SYNJ2: variants seen among roughly 807,000 people sequenced by gnomAD.
SYNJ2 encodes polyphosphatidylinositol phosphatase SYNJ2.
A neutral mutation model predicts 141.3 loss-of-function variants in SYNJ2; 116 were observed. The ratio of observed to expected loss-of-function variants is 0.82; its 90% confidence interval spans 0.71 to 0.96. The LOEUF (loss-of-function observed/expected upper bound fraction) is 0.96. Among genes scored for constraint, SYNJ2 ranks in the 40% least tolerant of loss-of-function variants. The pLI is 0.00. For missense variants in SYNJ2, 1,873 were observed against 1,934.8 expected (o/e 0.97, Z 0.60); for synonymous variants, 745 against 777.7 (o/e 0.96, Z 0.70).
intron 1 of SYNJ2, among the ~76,000 whole-genome samples, chr6:157,986,732 TTTAA>T (rs1777219805): frequency 6.6e-6 from 1 of 152,242 alleles, no homozygotes; most frequent in Admixed American, 6.5e-5. Context: ...GCTTTTAGCC[TTTAA>T]TTGTGAAAAC....
At chr6:158,091,835 A>AG (rs1783476382) in intron 25 of SYNJ2, among the ~76,000 whole-genome samples, 1 of 152,110 alleles carries the variant, frequency 6.6e-6, no homozygotes, top group African/African-American at 2.4e-5. Flanking sequence ...TGTGAAAGAA[A>AG]GAAAAAAAGG....
intron 1 of SYNJ2, among the ~76,000 whole-genome samples, chr6:158,015,852 A>G (rs991628110): frequency 6.6e-6 from 1 of 152,330 alleles, no homozygotes; most frequent in Non-Finnish European, 1.5e-5. Flanking sequence ...TTTTTATAAC[A>G]GCTTTATTGA....
At chr6:158,024,965 C>T (rs74511933) in intron 2 of SYNJ2, among the ~76,000 whole-genome samples, 9,124 of 152,240 alleles carry the variant, frequency 0.06, 387 homozygotes, top group Non-Finnish European at 0.09. Context: ...TTTCAACTAC[C>T]GATGAAAACC....
At chr6:158,061,908 C>A in intron 7 of SYNJ2, 84 bp from the exon 8 acceptor site, 1 of 1,410,690 alleles carries the variant, frequency 7.1e-7, no homozygotes, top group Non-Finnish European at 9.7e-7. Flanking sequence ...TGGTTAGCCG[C>A]ACGGGTCAAG....
rs1164883598 is a variant in SYNJ2 at position 158,084,813 on chromosome 6, AAAC to A, written c.3208+651_3208+653del. 6.6e-6 allele frequency among the ~76,000 whole-genome samples: 1 copy of A among 151,988 alleles called. No homozygotes were observed. The highest frequency in any genetic ancestry group is 1.5e-5 in the Non-Finnish European group (1 of 68,002). On this transcript the variant is annotated intron_variant, in intron 22 of 26. Coordinates refer to ENST00000355585, the MANE Select transcript of SYNJ2 (RefSeq NM_003898.4). The surrounding 1 kb of genome is among the most constrained non-coding windows in gnomAD (Gnocchi z 5.0). The stretch of plus-strand genomic sequence containing the variant: ...GGTGACAAAGTGAGATTCCGTCTCA[AAAC>A]AACAACAACAAAAAAACTTCTGATT...
chr6:158,055,383 AT>A (rs1315677935), intron 6 of SYNJ2, among the ~76,000 whole-genome samples: 3 of 152,204 alleles, frequency 2.0e-5, no homozygotes, highest in Non-Finnish European at 4.4e-5. Flanking sequence ...TATAGAATAA[AT>A]AAGTATAGAA....
At chr6:158,025,119 G>A (rs1372294137) in intron 2 of SYNJ2, among the ~76,000 whole-genome samples, 5 of 152,264 alleles carry the variant, frequency 3.3e-5, no homozygotes, top group African/African-American at 7.2e-5. Context: ...CGAGACCAGC[G>A]GCCCGCAGAT....
intron 1 of SYNJ2, among the ~76,000 whole-genome samples, chr6:158,005,581 G>A (rs1012654481): frequency 6.8e-6 from 1 of 147,692 alleles, no homozygotes; most frequent in Non-Finnish European, 1.5e-5. Flanking sequence ...CTCCACGCCT[G>A]CACCAGCCGC....
rs372978031 is a variant in SYNJ2 at position 158,065,371 on chromosome 6, T to C, written c.1525+380T>C. ...TGATGTTGGCTTTGGGAGCTTCCCATGAAGTTGGCCTCCAGTTTCTCTCTT... is the reference window on the plus strand; with the variant it reads ...TGATGTTGGCTTTGGGAGCTTCCCACGAAGTTGGCCTCCAGTTTCTCTCTT... On this transcript the variant is annotated intron_variant, in intron 11 of 26. Coordinates refer to ENST00000355585, the MANE Select transcript of SYNJ2 (RefSeq NM_003898.4). Among the ~76,000 whole-genome samples the C allele has an allele frequency of 5.3e-5, 8 of 152,270 alleles. 1 individual carries two copies. The South Asian group carries it at 8.3e-4, about 16-fold the overall frequency.
At position 158,096,029 on chromosome 6, in the gene SYNJ2, A is replaced by G. The variant is rs1254958352; in HGVS notation, c.4156A>G (p.Thr1386Ala). Reference sequence around the variant, plus strand: ...CTTCCCACAAGGGGACTTTCTCAGCACTTCATCTGCTACAAGCCCCGACAG... The same window carrying G: ...CTTCCCACAAGGGGACTTTCTCAGCGCTTCATCTGCTACAAGCCCCGACAG... ...TVFPQGDFLSTSSATSPDSDG... is the reference protein window; with the variant it reads ...TVFPQGDFLSASSATSPDSDG... The change falls in exon 27 of 27, where the codon ACT becomes GCT. Residue 1386 changes from threonine (T) to alanine (A), a missense_variant. Coordinates refer to ENST00000355585, the MANE Select transcript of SYNJ2 (RefSeq NM_003898.4). 1 of 1,614,062 alleles carries G rather than the reference A, an allele frequency of 6.2e-7. No homozygotes were observed. The highest frequency in any genetic ancestry group is 1.3e-5 in the African/African-American group (1 of 74,934).
chr6:158,007,008 C>T lies in SYNJ2; in HGVS notation c.128-10196C>T, dbSNP rs150763905. On this transcript the variant is annotated intron_variant, in intron 1 of 26. Transcript: ENST00000355585. The stretch of plus-strand genomic sequence containing the variant: ...TGAGACAGTGTCTCACTCTGTCAAC[C>T]AGGCTGGATTGCAGTGGCGCAATCA... Among the ~76,000 whole-genome samples, 300 of 152,180 alleles carry T rather than the reference C, an allele frequency of 2.0e-3. 2 individuals carry two copies. Among genetic ancestry groups the T allele is most frequent in the African/African-American group, 6.6e-3 (275 of 41,496 alleles).
intron 25 of SYNJ2, among the ~76,000 whole-genome samples, chr6:158,090,644 G>A (rs1007363352): frequency 2.0e-5 from 3 of 147,344 alleles, no homozygotes; most frequent in African/African-American, 5.0e-5. Context: ...TCCCAGGTTC[G>A]AGCAAATATC....
At chr6:158,044,332 G>A (rs1780120526) in intron 5 of SYNJ2, among the ~76,000 whole-genome samples, 3 of 152,230 alleles carry the variant, frequency 2.0e-5, no homozygotes, top group Admixed American at 1.3e-4. Context: ...CCAGGAGCAG[G>A]TGAGTCACTT....
In SYNJ2 at chr6:158,096,606, C is replaced by T; in HGVS notation, c.*242C>T. 2.6e-6 allele frequency: 1 copy of T among 387,130 alleles called. No homozygotes were observed. 24.0% of individuals were successfully genotyped at this position (387,130 alleles called of 1,614,324 possible). On this transcript the variant is annotated 3_prime_UTR_variant, in exon 27 of 27. Transcript: ENST00000355585. ...TGCTCTTCAAGGAATGGGAACCTTC[C>T]TGTTAAATTCGGTGTATGGATTTTA... is the stretch of plus-strand genomic sequence containing the variant.
At chr6:157,992,324 T>C in intron 1 of SYNJ2, among the ~76,000 whole-genome samples, 1 of 151,884 alleles carries the variant, frequency 6.6e-6, no homozygotes. Flanking sequence ...TCTATGTCCA[T>C]GAATTCAATT....
chr6:157,992,124 C>A (rs1777463390), intron 1 of SYNJ2, among the ~76,000 whole-genome samples: 1 of 152,180 alleles, frequency 6.6e-6, no homozygotes, highest in South Asian at 2.1e-4. Flanking sequence ...TTTTGTGTTA[C>A]AAACCAATTA....
intron 5 of SYNJ2, among the ~76,000 whole-genome samples, chr6:158,045,047 A>G (rs188561857): frequency 1.8e-4 from 25 of 142,328 alleles, no homozygotes; most frequent in African/African-American, 6.3e-4. Flanking sequence ...TTTGGGAAGG[A>G]CCCTTTGGAA....
At chr6:158,081,605 CTTTTTTTTTTTTTTTTTT>C (rs60234675) in intron 20 of SYNJ2, 95 bp downstream of exon 20, 2 of 213,264 alleles carry the variant, frequency 9.4e-6, no homozygotes, top group East Asian at 1.1e-4. Flanking sequence ...TGACCTGTGC[CTTTTTTTTTTTTTTTTTT>C]TTTTTTTTTT....
Position 158,043,423 on chromosome 6 carries a change from G to A in SYNJ2, c.795+24G>A. The A allele has an allele frequency of 3.2e-6, 5 of 1,579,162 alleles. No homozygotes were observed. The highest frequency in any genetic ancestry group is 2.6e-6 in the Non-Finnish European group (3 of 1,148,794). On this transcript the variant is annotated intron_variant, in intron 5 of 26. Coordinates refer to ENST00000355585, the MANE Select transcript of SYNJ2 (RefSeq NM_003898.4). This position sits in a 1 kb window ranked among gnomAD's most constrained non-coding sequence, Gnocchi z 4.0. ...AGGTAGGTCATGAAAAAACTTAAAT[G>A]TCCCCTTGTGATGTTGTCCGCCCTG... is the stretch of plus-strand genomic sequence containing the variant.
Sources: gnomAD v4.1 joint callset for allele counts (sites outside exome capture counted in the v4.1 genomes callset) on GRCh38, gnomAD v4.1.1 for gene constraint, Gnocchi (gnomAD v3.1) non-coding constraint, MANE v1.5 for transcripts, NCBI Gene and HGNC (gene_info 2026-07-23, HGNC 2026-07-21) for gene names.